Variants in SGCD observed in about 807,000 individuals in gnomAD.
SGCD encodes delta-sarcoglycan.
A neutral mutation model predicts 36.6 loss-of-function variants in SGCD; 18 were observed. The ratio of observed to expected loss-of-function variants is 0.49; its 90% CI spans 0.34 to 0.73. The LOEUF (loss-of-function observed/expected upper bound fraction) is 0.73, where lower values mean the gene tolerates loss of function less well. SGCD is among the 30% of genes least tolerant of loss of function. The pLI is 0.01. For synonymous variants in SGCD, 133 were observed against 130.6 expected (o/e 1.02, Z -0.12); for missense variants, 387 against 346.7 (o/e 1.12, Z -0.92).
intron 1 of SGCD, among the ~76,000 whole-genome samples, chr5:156,069,932 G>T (rs1760485095): frequency 6.6e-6 from 1 of 151,976 alleles, no homozygotes; most frequent in South Asian, 2.1e-4. Context: ...CTCTCTGTTT[G>T]TCTGTTATTG....
chr5:156,518,564 G>C (rs893632609), intron 4 of SGCD, among the ~76,000 whole-genome samples: 1 of 151,876 alleles, frequency 6.6e-6, no homozygotes, highest in Admixed American at 6.6e-5. Context: ...GGCACTTACT[G>C]TAAAAGTGAC....
chr5:156,151,393 C>A (rs1342634394), intron 3 of SGCD, among the ~76,000 whole-genome samples: 1 of 151,154 alleles, frequency 6.6e-6, no homozygotes. Context: ...CACCTCTGCC[C>A]AAAACAATTG....
At chr5:156,110,667 A>G (rs1488979538) in intron 1 of SGCD, among the ~76,000 whole-genome samples, 1 of 152,106 alleles carries the variant, frequency 6.6e-6, no homozygotes, top group Non-Finnish European at 1.5e-5. Flanking sequence ...CTTAAAAAAA[A>G]AAACTCTCTT....
intron 1 of SGCD, among the ~76,000 whole-genome samples, chr5:156,079,485 C>T (rs892571516): frequency 8.5e-5 from 13 of 152,142 alleles, no homozygotes; most frequent in East Asian, 1.9e-4. Flanking sequence ...CATCTGGAGA[C>T]GAGTTCCTTC....
intron 1 of SGCD, among the ~76,000 whole-genome samples, chr5:156,048,669 GTTGT>G (rs1245519333): frequency 2.0e-5 from 3 of 152,110 alleles, no homozygotes; most frequent in African/African-American, 4.8e-5. Context: ...TTTTGATGGG[GTTGT>G]TTGTTTTTTT....
At chr5:156,494,852 C>T (rs1176828241) in intron 3 of SGCD, among the ~76,000 whole-genome samples, 1 of 152,102 alleles carries the variant, frequency 6.6e-6, no homozygotes, top group African/African-American at 2.4e-5. Flanking sequence ...TACTCATTCT[C>T]CCTGTACTCA....
intron 7 of SGCD, among the ~76,000 whole-genome samples, chr5:156,743,991 C>G (rs116529049): frequency 6.6e-6 from 1 of 152,120 alleles, no homozygotes; most frequent in Non-Finnish European, 1.5e-5. Context: ...ATTGGTTCCC[C>G]TGAGTACAAT....
chr5:156,547,393 G>A (rs1198378966), intron 4 of SGCD, among the ~76,000 whole-genome samples: 1 of 151,722 alleles, frequency 6.6e-6, no homozygotes, highest in African/African-American at 2.4e-5. Flanking sequence ...GAGATGTTCT[G>A]TAAAGAGGAA....
At chr5:156,122,973 C>G (rs376641711) in intron 2 of SGCD, among the ~76,000 whole-genome samples, 1 of 141,862 alleles carries the variant, frequency 7.0e-6, no homozygotes, top group African/African-American at 2.6e-5. Flanking sequence ...AGACAGGAAT[C>G]AAGGTTTACT....
chr5:156,394,698 C>T (rs772601912), intron 3 of SGCD, among the ~76,000 whole-genome samples: 5 of 152,070 alleles, frequency 3.3e-5, no homozygotes, highest in East Asian at 1.9e-4. Flanking sequence ...TTTTTCCTTC[C>T]GATTTTAAAA....
chr5:156,758,694 C>T (rs561308128), intron 8 of SGCD, among the ~76,000 whole-genome samples: 2 of 152,054 alleles, frequency 1.3e-5, no homozygotes, highest in East Asian at 1.9e-4. Context: ...CTAATGGCAG[C>T]TTCCACAACT....
At chr5:156,652,796 T>TC (rs1441202250) in intron 7 of SGCD, among the ~76,000 whole-genome samples, 1 of 152,104 alleles carries the variant, frequency 6.6e-6, no homozygotes, top group African/African-American at 2.4e-5. Flanking sequence ...TGAGGGTTTT[T>TC]CTCATACAGG....
intron 2 of SGCD, among the ~76,000 whole-genome samples, chr5:156,119,749 G>A: frequency 6.6e-6 from 1 of 152,058 alleles, no homozygotes; most frequent in African/African-American, 2.4e-5. Context: ...TCTCTTGGGA[G>A]TCTGTCTTGG....
intron 6 of SGCD, among the ~76,000 whole-genome samples, chr5:156,610,924 T>C (rs1761770724): frequency 6.6e-6 from 1 of 152,202 alleles, no homozygotes; most frequent in Non-Finnish European, 1.5e-5. Flanking sequence ...GACCTGATTT[T>C]CCAGTTGCTG....
intron 3 of SGCD, among the ~76,000 whole-genome samples, chr5:156,283,429 C>T (rs781647099): frequency 3.3e-5 from 5 of 152,134 alleles, no homozygotes; most frequent in Non-Finnish European, 5.9e-5. Flanking sequence ...TTTACACTTA[C>T]TTATTCTGCC....
intron 4 of SGCD, among the ~76,000 whole-genome samples, chr5:156,560,767 G>T (rs1244662569): frequency 6.6e-6 from 1 of 152,174 alleles, no homozygotes. Flanking sequence ...TGGCTTTAGA[G>T]TTAGACAAAC....
intron 1 of SGCD, among the ~76,000 whole-genome samples, chr5:156,116,136 A>G (rs1487332927): frequency 6.6e-6 from 1 of 152,130 alleles, no homozygotes. Context: ...TATAGACCAC[A>G]AAGAAAGGCA....
intron 2 of SGCD, among the ~76,000 whole-genome samples, chr5:156,337,470 A>G (rs1328982484): frequency 6.6e-6 from 1 of 151,760 alleles, no homozygotes; most frequent in Non-Finnish European, 1.5e-5. Context: ...CTCACCTCTC[A>G]CCCTCTCCTC....
chr5:156,129,459 C>A (rs1762257184), intron 3 of SGCD, among the ~76,000 whole-genome samples: 1 of 152,172 alleles, frequency 6.6e-6, no homozygotes, highest in Non-Finnish European at 1.5e-5. Context: ...ACTCATTTGG[C>A]ATAAGTGCCT....
Sources: gnomAD v4.1 joint callset for allele counts (sites outside exome capture counted in the v4.1 genomes callset) on GRCh38, gnomAD v4.1.1 for gene constraint, MANE v1.5 for transcripts, NCBI Gene and HGNC (gene_info 2026-07-23, HGNC 2026-07-21) for gene names.